Variants in POLQ observed in about 807,000 individuals in gnomAD.
POLQ encodes the protein DNA polymerase theta.
A neutral mutation model predicts 259.2 loss-of-function variants in POLQ; 233 were observed. The observed-to-expected ratio is 0.90, with a 90% CI of 0.81 to 1.00. The LOEUF is 1.00. Among genes scored for constraint, POLQ ranks in the 50% least tolerant of loss-of-function variants. The pLI, the probability that POLQ is intolerant of heterozygous loss-of-function variation, is 0.00. For synonymous variants in POLQ, 1,025 were observed against 1,048.8 expected (o/e 0.98, Z 0.44); for missense variants, 2,871 against 3,051.6 (o/e 0.94, Z 1.39).
At chr3:121,440,354 G>C (rs1177770589) in intron 26 of POLQ, among the ~76,000 whole-genome samples, 1 of 152,084 alleles carries the variant, frequency 6.6e-6, no homozygotes, top group East Asian at 1.9e-4. Flanking sequence ...TTTTGAGACA[G>C]GATCTCGCTC....
chr3:121,459,315 G>C (rs557753545), intron 25 of POLQ, among the ~76,000 whole-genome samples: 18 of 145,012 alleles, frequency 1.2e-4, no homozygotes, highest in Non-Finnish European at 2.1e-4. Context: ...TGCTATAAAA[G>C]ATATAAAAAT....
intron 27 of POLQ, among the ~76,000 whole-genome samples, chr3:121,439,031 T>C (rs1244168583): frequency 6.6e-6 from 1 of 152,132 alleles, no homozygotes; most frequent in Non-Finnish European, 1.5e-5. Flanking sequence ...GCAAAAAACA[T>C]CTAGTTAAAA....
At chr3:121,531,272 A>G (rs1157820122) in intron 6 of POLQ, among the ~76,000 whole-genome samples, 1 of 152,204 alleles carries the variant, frequency 6.6e-6, no homozygotes, top group Non-Finnish European at 1.5e-5. Flanking sequence ...GAACACTATA[A>G]TTTAGACAAG....
chr3:121,460,024 A>T, intron 25 of POLQ, 26 bp downstream of exon 25: 1 of 1,571,688 alleles, frequency 6.4e-7, no homozygotes, highest in Non-Finnish European at 8.8e-7. Context: ...CTTCTCCTTT[A>T]TATTAACCAT....
At chr3:121,447,883 G>C (rs1289540113) in intron 26 of POLQ, among the ~76,000 whole-genome samples, 1 of 152,130 alleles carries the variant, frequency 6.6e-6, no homozygotes, top group Non-Finnish European at 1.5e-5. Flanking sequence ...TAAAAAGTCT[G>C]CTGCCAGACA....
chr3:121,467,657 A>G lies in POLQ; in HGVS notation c.6846-17T>C. ...TATTTTCCTCTGTGGTGCAAACAAC[A>G]TCATCAGTTAGACATGAAGCAGTCT... On this transcript the variant is annotated splice_polypyrimidine_tract_variant and intron_variant, in intron 23 of 29. Coordinates refer to ENST00000264233, the MANE Select transcript of POLQ (RefSeq NM_199420.4). 1.2e-6 allele frequency: 2 copies of G among 1,611,994 alleles called. No individual in the cohort carries two copies. Among genetic ancestry groups the G allele is most frequent in the South Asian group, 2.2e-5 (2 of 90,750 alleles).
Position 121,440,022 on chromosome 3 carries a change from G to T in POLQ, c.7359C>A (p.Ile2453=), listed in dbSNP as rs1256663487. The change falls in exon 27 of 30, where the codon ATC becomes ATA. Residue 2453 remains isoleucine, a synonymous_variant. Coordinates refer to ENST00000264233, the MANE Select transcript of POLQ (RefSeq NM_199420.4). ...ILGRRRYLPG[I]KDNNPYRKAH... is the part of the protein sequence containing the mutation. ...CTTTACGATAAGGGTTGTTGTCTTT[G>T]ATTCCTGGCAAATATCTACGCCTTC... 6.2e-7 allele frequency: 1 copy of T among 1,613,526 alleles called. No individual in the cohort carries two copies. The highest frequency in any genetic ancestry group is 1.3e-5 in the African/African-American group (1 of 74,934).
rs567262215 is a variant in POLQ at position 121,514,323 on chromosome 3, C to T, written c.1469-2294G>A. Among the ~76,000 whole-genome samples the T allele has an allele frequency of 4.4e-5, 6 of 135,428 alleles. No individual in the cohort carries two copies. The East Asian group carries it at 6.2e-4, about 14-fold the overall frequency. The allele number at this position is 135,428 out of a possible 152,430, so 88.8% of individuals were successfully genotyped here. On this transcript the variant is annotated intron_variant, in intron 9 of 29. Transcript: ENST00000264233. Reference sequence around the variant, plus strand: ...AGCCTGGGCAACAAGAGTAAAATTCCGTGTATTAAAAAAAAAAACAACAAC... The same window carrying T: ...AGCCTGGGCAACAAGAGTAAAATTCTGTGTATTAAAAAAAAAAACAACAAC...
chr3:121,524,728 A>G (rs2048360373), intron 7 of POLQ, among the ~76,000 whole-genome samples: 2 of 152,096 alleles, frequency 1.3e-5, no homozygotes, highest in African/African-American at 4.8e-5. Flanking sequence ...TCTGGAATAG[A>G]GGGAAGAGAC....
In POLQ at chr3:121,472,170, A is replaced by C. The variant is rs773971140; in HGVS notation, c.6544-6T>G. 3.0e-6 allele frequency: 4 copies of C among 1,350,234 alleles called. No homozygotes were observed. Among genetic ancestry groups the C allele is most frequent in the Non-Finnish European group, 4.0e-6 (4 of 991,650 alleles). The allele number at this position is 1,350,234 out of a possible 1,614,324, so 83.6% of individuals were successfully genotyped here. A position where few individuals can be genotyped will look rare whatever the true frequency, so the allele number is the denominator to read the frequency against. ...TTTAATTTATTTAAAACGTCCTGCC[A>C]AAAAAATATAAGGTAAGATTGAATT... On this transcript the variant is annotated splice_polypyrimidine_tract_variant and splice_region_variant and intron_variant, in intron 21 of 29. Coordinates refer to ENST00000264233, the MANE Select transcript of POLQ (RefSeq NM_199420.4).
intron 24 of POLQ, among the ~76,000 whole-genome samples, chr3:121,464,774 C>A (rs2047822044): frequency 6.6e-6 from 1 of 152,106 alleles, no homozygotes; most frequent in Admixed American, 6.5e-5. Flanking sequence ...GTATATGAAA[C>A]ATAAATTTCA....
intron 15 of POLQ, among the ~76,000 whole-genome samples, chr3:121,490,772 G>A (rs192268596): frequency 1.1e-4 from 16 of 152,250 alleles, no homozygotes; most frequent in East Asian, 5.8e-4. Context: ...AAAAACATCC[G>A]GCCGGGCGCG....
rs1372141871 is a variant in POLQ at position 121,510,240 on chromosome 3, T to G, written c.1615A>C (p.Ile539Leu). 1 of 1,606,518 alleles carries G rather than the reference T, an allele frequency of 6.2e-7. No individual in the cohort carries two copies. The highest frequency in any genetic ancestry group is 1.3e-5 in the African/African-American group (1 of 74,710). The change falls in exon 11 of 30, where the codon ATA (isoleucine) becomes CTA (leucine). Residue 539 changes from isoleucine to leucine, a missense_variant. Transcript: ENST00000264233. ...GSMIRAILEI[I>L]VGGVASTSQD... Reference sequence around the variant, plus strand: ...GATGTACTTGCCACTCCACCAACTATTATCTGAAAGAAGATATTTGGAAAT... The same window carrying G: ...GATGTACTTGCCACTCCACCAACTAGTATCTGAAAGAAGATATTTGGAAAT...
At chr3:121,537,713 C>A (rs1434130791) in intron 4 of POLQ, among the ~76,000 whole-genome samples, 2 of 152,098 alleles carry the variant, frequency 1.3e-5, no homozygotes, top group African/African-American at 4.8e-5. Context: ...CCAATTCTTG[C>A]CTCCAGAAGT....
At chr3:121,490,432 CA>C in intron 15 of POLQ, 24 bp from the exon 16 acceptor site, 1 of 1,581,056 alleles carries the variant, frequency 6.3e-7, no homozygotes, top group African/African-American at 1.3e-5. Context: ...TGGGAAAAGA[CA>C]GAAATGAATT....
intron 23 of POLQ, 144 bp from the exon 24 acceptor site, chr3:121,467,784 T>A: frequency 2.6e-6 from 2 of 779,590 alleles, no homozygotes; most frequent in Non-Finnish European, 4.1e-6. Flanking sequence ...CTCACACCTG[T>A]AATACCAGCA....
chr3:121,459,307 C>T (rs534749399), intron 25 of POLQ, among the ~76,000 whole-genome samples: 4 of 149,688 alleles, frequency 2.7e-5, no homozygotes, highest in South Asian at 2.1e-4. Context: ...TGGCTTGATG[C>T]TATAAAAGAT....
At chr3:121,457,309 A>C (rs866262948) in intron 25 of POLQ, among the ~76,000 whole-genome samples, 11 of 152,244 alleles carry the variant, frequency 7.2e-5, no homozygotes, top group Admixed American at 1.3e-4. Context: ...AATACCATTC[A>C]GGACATAGGC....
intron 25 of POLQ, among the ~76,000 whole-genome samples, chr3:121,452,393 T>C (rs887210097): frequency 6.6e-6 from 1 of 152,174 alleles, no homozygotes. Flanking sequence ...CTGGAGCTGT[T>C]CCAATTCGGC....
Sources: gnomAD v4.1 joint callset for allele counts (sites outside exome capture counted in the v4.1 genomes callset) on GRCh38, gnomAD v4.1.1 for gene constraint, MANE v1.5 for transcripts, NCBI Gene and HGNC (gene_info 2026-07-23, HGNC 2026-07-21) for gene names.